PLTP: variants seen among roughly 807,000 people sequenced by gnomAD.
PLTP encodes BPI fold containing family E.
A neutral mutation model predicts 54.1 loss-of-function variants in PLTP; 43 were observed. The observed-to-expected ratio is 0.79, with a 90% CI of 0.62 to 1.02. PLTP has a LOEUF of 1.02. Among genes scored for constraint, PLTP ranks in the 50% least tolerant of loss-of-function variants. The pLI is 0.00. For missense variants in PLTP, 604 were observed against 645.9 expected, an observed-to-expected ratio of 0.94 and a Z score of 0.70; for synonymous variants, 263 against 264.6, an observed-to-expected ratio of 0.99 and a Z score of 0.06.
intron 7 of PLTP, 24 bp from the exon 8 acceptor site, chr20:45,906,383 T>G: frequency 1.3e-6 from 2 of 1,587,530 alleles, no homozygotes; most frequent in Non-Finnish European, 1.7e-6. Context: ...CTCAAGTCAC[T>G]CACGGCTGTG....
intron 12 of PLTP, among the ~76,000 whole-genome samples, chr20:45,901,897 C>T (rs1568771506): frequency 1.2e-5 from 1 of 84,928 alleles, no homozygotes; most frequent in African/African-American, 4.2e-5. Flanking sequence ...GAAACTCCTT[C>T]TCAAAAAAAA....
Position 45,912,089 on chromosome 20 carries a change from A to G in PLTP, c.-22T>C. ...CGCGCCCCAACTCACTCAGCGGTGG[A>G]GCTGGGGGGCGGCGCGGTCACGTGG... On this transcript the variant is annotated 5_prime_UTR_variant, in exon 1 of 16. Coordinates refer to ENST00000372431, the MANE Select transcript of PLTP (RefSeq NM_006227.4). The G allele has an allele frequency of 6.5e-6, 1 of 154,854 alleles. No homozygotes were observed. Among genetic ancestry groups the G allele is most frequent in the East Asian group, 1.9e-4 (1 of 5,280 alleles). The allele number at this position is 154,854 out of a possible 1,614,324, so 9.6% of individuals were successfully genotyped here. A position where few individuals can be genotyped will look rare whatever the true frequency, so the allele number is the denominator to read the frequency against.
At position 45,907,747 on chromosome 20, in the gene PLTP, A is replaced by G; in HGVS notation, c.558T>C (p.Pro186=). 1.2e-6 allele frequency: 2 copies of G among 1,613,798 alleles called. No individual in the cohort carries two copies. The highest frequency in any genetic ancestry group is 1.7e-6 in the Non-Finnish European group (2 of 1,179,966). Residue 186 remains proline (P), a synonymous_variant, in exon 7 of 16, where the codon CCT becomes CCC. Transcript: ENST00000372431. ...MRFLLNQQIC[P]VLYHAGTVLL... ...GGACCGTCCCTGCGTGGTAGAGGACAGGGCAGATCTGCGAGGTGGGAGCCA... is the reference window on the plus strand; with the variant it reads ...GGACCGTCCCTGCGTGGTAGAGGACGGGGCAGATCTGCGAGGTGGGAGCCA...
rs769508519 is a variant in PLTP at position 45,911,361 on chromosome 20, A to G, written c.92T>C (p.Leu31Pro). The G allele has an allele frequency of 1.9e-6, 3 of 1,612,820 alleles. No homozygotes were observed. In the South Asian group the frequency reaches 3.3e-5, roughly 18 times the overall value. ...GCKIRVTSKA[L>P]ELVKQEGLRF... ...CTGCCCCTGCGCCTTACCCAGCTCCAGCGCCTTGGAGGTGACGCGGATCTT... is the reference window on the plus strand; with the variant it reads ...CTGCCCCTGCGCCTTACCCAGCTCCGGCGCCTTGGAGGTGACGCGGATCTT... Residue 31 changes from leucine to proline, a missense_variant, in exon 2 of 16, where the codon CTG (leucine) becomes CCG (proline). Leu to Pro is a moderately conservative substitution (Grantham distance 98). Transcript: ENST00000372431.
chr20:45,902,170 T>C (rs1222207590), intron 12 of PLTP, 97 bp downstream of exon 12: 2 of 1,287,324 alleles, frequency 1.6e-6, no homozygotes, highest in Admixed American at 3.9e-5. Flanking sequence ...CAGCTCTCAG[T>C]GGCTTACAGG....
chr20:45,909,691 T>G lies in PLTP; in HGVS notation c.330-20A>C, dbSNP rs371884002. Reference sequence around the variant, plus strand: ...TCATAGCTGCCAGGGGGGTTAATATTCACTCCAGGTAGGAGCTCAATTGAG... The same window carrying G: ...TCATAGCTGCCAGGGGGGTTAATATGCACTCCAGGTAGGAGCTCAATTGAG... On this transcript the variant is annotated intron_variant, in intron 4 of 15. Coordinates refer to ENST00000372431, the MANE Select transcript of PLTP (RefSeq NM_006227.4). The G allele has an allele frequency of 5.5e-5, 88 of 1,613,894 alleles. No homozygotes were observed. The African/African-American group carries it at 1.1e-3, about 20-fold the overall frequency.
intron 10 of PLTP, 59 bp downstream of exon 10, chr20:45,904,741 C>T: frequency 6.4e-7 from 1 of 1,571,188 alleles, no homozygotes; most frequent in South Asian, 1.1e-5. Context: ...CCCACCTGCA[C>T]CCCTCCTTGG....
rs1206138833 is a variant in PLTP at position 45,899,052 on chromosome 20, G to A, written c.1371C>T (p.Thr457=). The change falls in exon 16 of 16, where the codon ACC becomes ACT. Residue 457 remains threonine (T), a synonymous_variant. Transcript: ENST00000372431. Reference sequence around the variant, plus strand: ...TGGCAAAGTGGAGATCAGCCCCGATGGTGAGGAATCCCTGTGTTGGGGAGA... The same window carrying A: ...TGGCAAAGTGGAGATCAGCCCCGATAGTGAGGAATCCCTGTGTTGGGGAGA... The part of the protein sequence containing the change: ...EVVTNHAGFL[T]IGADLHFAKG... 2 of 1,614,194 alleles carry A rather than the reference G, an allele frequency of 1.2e-6. No individual in the cohort carries two copies.
chr20:45,902,751 C>T lies in PLTP; in HGVS notation c.943-147G>A. 14 of 755,650 alleles carry T rather than the reference C, an allele frequency of 1.9e-5. No homozygotes were observed. The South Asian group carries it at 2.6e-4, about 14-fold the overall frequency. The allele number at this position is 755,650 out of a possible 1,614,324, so 46.8% of individuals were successfully genotyped here. On this transcript the variant is annotated intron_variant, in intron 10 of 15. Transcript: ENST00000372431. Reference sequence around the variant, plus strand: ...AGAGGGAGCTCTGGCTTCCAAAACTCTCACATCTGCATCTAGCCTTCATGC... The same window carrying T: ...AGAGGGAGCTCTGGCTTCCAAAACTTTCACATCTGCATCTAGCCTTCATGC...
At chr20:45,899,812 G>GGGGCC in intron 13 of PLTP, 24 bp downstream of exon 13, 1 of 309,346 alleles carries the variant, frequency 3.2e-6, no homozygotes, top group Non-Finnish European at 6.2e-6. Flanking sequence ...ACCCAGCCCA[G>GGGGCC]CCCACCCACC....
intron 10 of PLTP, among the ~76,000 whole-genome samples, chr20:45,904,214 A>G (rs2083215249): frequency 6.6e-6 from 1 of 152,212 alleles, no homozygotes; most frequent in Non-Finnish European, 1.5e-5. Flanking sequence ...CTGTAATCCT[A>G]GCACTTTGGG....
intron 12 of PLTP, among the ~76,000 whole-genome samples, chr20:45,901,429 C>G (rs547601223): frequency 6.6e-6 from 1 of 151,942 alleles, no homozygotes; most frequent in East Asian, 1.9e-4. Flanking sequence ...GAGACCCCAT[C>G]TCTACAAAAA....
At chr20:45,911,011 G>A (rs573039102) in intron 3 of PLTP, 141 bp downstream of exon 3, 11 of 1,576,360 alleles carry the variant, frequency 7.0e-6, no homozygotes, top group Middle Eastern at 2.3e-4. Context: ...GGCCCCATCC[G>A]GTTTCTTAAG....
intron 5 of PLTP, among the ~76,000 whole-genome samples, chr20:45,908,513 A>C (rs2083261078): frequency 6.6e-6 from 1 of 152,142 alleles, no homozygotes; most frequent in Non-Finnish European, 1.5e-5. Context: ...AAAAATAAAA[A>C]AATAGGCCGG....
chr20:45,902,527 A>AGAGG lies in PLTP; in HGVS notation c.1016_1019dup (p.Gly341LeufsTer10). On this transcript the variant is annotated frameshift_variant, in exon 11 of 16. Coordinates refer to ENST00000372431, the MANE Select transcript of PLTP (RefSeq NM_006227.4). LOFTEE classifies it high-confidence loss of function. ...TAGCAGTGACAGAGATGGTGGTGCCAGAGGGCTTGATGGTGCAGCGCGGTG... is the reference window on the plus strand; with the variant it reads ...TAGCAGTGACAGAGATGGTGGTGCCAGAGGGAGGGCTTGATGGTGCAGCGCGGTG... 7 of 1,614,146 alleles carry AGAGG rather than the reference A, an allele frequency of 4.3e-6. No individual in the cohort carries two copies. Among genetic ancestry groups the AGAGG allele is most frequent in the Non-Finnish European group, 5.9e-6 (7 of 1,179,974 alleles).
chr20:45,904,871 A>G lies in PLTP; in HGVS notation c.883-12T>C, dbSNP rs1461229000. 5 of 1,614,044 alleles carry G rather than the reference A, an allele frequency of 3.1e-6. No individual in the cohort carries two copies. The highest frequency in any genetic ancestry group is 1.7e-5 in the Admixed American group (1 of 60,008). On this transcript the variant is annotated splice_polypyrimidine_tract_variant and intron_variant, in intron 9 of 15. Transcript: ENST00000372431. The stretch of plus-strand genomic sequence containing the variant: ...AGGTCGTGGGGCACCTGAACAGGGG[A>G]ATCAGGAGTGAGGGAGTGAGCTCTG...
chr20:45,911,158 A>T lies in PLTP; in HGVS notation c.194T>A (p.Ile65Asn). ...RGKEGHFYYN[I>N]SEVKVTELQL... ...GGCCCCGCCCCCCACTTACTCAGAG[A>T]TGTTGTAGTAGAAGTGGCCTTCTTT... is the stretch of plus-strand genomic sequence containing the variant. Residue 65 changes from isoleucine to asparagine, a missense_variant, in exon 3 of 16, where the codon ATC becomes AAC. Coordinates refer to ENST00000372431, the MANE Select transcript of PLTP (RefSeq NM_006227.4). The T allele has an allele frequency of 6.2e-7, 1 of 1,608,958 alleles. No homozygotes were observed. Among genetic ancestry groups the T allele is most frequent in the Non-Finnish European group, 8.5e-7 (1 of 1,175,602 alleles).
chr20:45,910,966 C>T, intron 3 of PLTP, 186 bp downstream of exon 3: 1 of 1,476,818 alleles, frequency 6.8e-7, no homozygotes, highest in Non-Finnish European at 9.0e-7. Context: ...CTGCCTGGTC[C>T]CGCCTATGAT....
chr20:45,898,963 G>A lies in PLTP; in HGVS notation c.1460C>T (p.Thr487Ile), dbSNP rs1056929. Residue 487 changes from threonine to isoleucine, a missense_variant, in exon 16 of 16, where the codon ACA becomes ATA. By Grantham distance (89) the Thr-to-Ile change is moderately conservative. Coordinates refer to ENST00000372431, the MANE Select transcript of PLTP (RefSeq NM_006227.4). The surrounding 1 kb of genome is among the most constrained non-coding windows in gnomAD (Gnocchi z 4.6). The part of the protein sequence containing the change: ...PADVRASTAP[T>I]PSTAAV ...GGCTCAGACAGCTGCTGTGGACGGT[G>A]TGGGGGCAGTGGACGCCCTGACATC... 6.2e-7 allele frequency: 1 copy of A among 1,614,170 alleles called. No individual in the cohort carries two copies. The highest frequency in any genetic ancestry group is 8.5e-7 in the Non-Finnish European group (1 of 1,180,022).
Sources: gnomAD v4.1 joint callset for allele counts (sites outside exome capture counted in the v4.1 genomes callset) on GRCh38, gnomAD v4.1.1 for gene constraint, Gnocchi (gnomAD v3.1) non-coding constraint, MANE v1.5 for transcripts, NCBI Gene and HGNC (gene_info 2026-07-23, HGNC 2026-07-21) for gene names.